KDM4B: variants seen among roughly 807,000 people sequenced by gnomAD.
KDM4B encodes the protein lysine demethylase 4B, also known as lysine-specific demethylase 4B.
A neutral mutation model predicts 125.2 loss-of-function variants in KDM4B; 32 were observed. That is an observed-to-expected ratio of 0.26 (90% CI 0.19 to 0.34). The LOEUF is 0.34. Among genes scored for constraint, KDM4B ranks in the 10% least tolerant of loss-of-function variants. KDM4B has a pLI of 1.00. For missense variants in KDM4B, 1,190 were observed against 1,577.7 expected, an observed-to-expected ratio of 0.75 and a Z score of 4.16; for synonymous variants, 721 against 677.9, an observed-to-expected ratio of 1.06 and a Z score of -0.99.
At chr19:5,084,047 G>A (rs1386723644) in intron 9 of KDM4B, among the ~76,000 whole-genome samples, 1 of 152,032 alleles carries the variant, frequency 6.6e-6, no homozygotes, top group East Asian at 1.9e-4. Flanking sequence ...AGGAGTTTGA[G>A]ACCAGCCTGG....
At chr19:5,034,528 A>C (rs985347667) in intron 3 of KDM4B, among the ~76,000 whole-genome samples, 1 of 152,226 alleles carries the variant, frequency 6.6e-6, no homozygotes, top group African/African-American at 2.4e-5. Context: ...CCAACCACTT[A>C]AAAATGAAAA....
rs1427029208 is a variant in KDM4B at position 5,110,673 on chromosome 19, A to G, written c.970A>G (p.Ile324Val). 1.2e-6 allele frequency: 2 copies of G among 1,613,022 alleles called. No homozygotes were observed. Among genetic ancestry groups the G allele is most frequent in the Admixed American group, 1.7e-5 (1 of 60,024 alleles). ...VKISMDVFVR[I>V]LQPERYELWK... Reference sequence around the variant, plus strand: ...GATCTCCATGGACGTGTTCGTGCGCATCCTGCAGCCCGAGCGCTACGAGCT... The same window carrying G: ...GATCTCCATGGACGTGTTCGTGCGCGTCCTGCAGCCCGAGCGCTACGAGCT... Residue 324 changes from isoleucine to valine, a missense_variant, in exon 10 of 23, where the codon ATC (isoleucine) becomes GTC (valine). Ile to Val is a conservative substitution (Grantham distance 29, BLOSUM62 3). Transcript: ENST00000159111.
Position 5,043,299 on chromosome 19 carries a change from C to T in KDM4B, c.432+2048C>T, listed in dbSNP as rs112048349. ...CGGAGTGGGGGTGTCCACCTTATCCCGTGCTGTGTTTATCGGAGTGGGGTG... is the reference window on the plus strand; with the variant it reads ...CGGAGTGGGGGTGTCCACCTTATCCTGTGCTGTGTTTATCGGAGTGGGGTG... On this transcript the variant is annotated intron_variant, in intron 5 of 22. Transcript: ENST00000159111. Among the ~76,000 whole-genome samples, 26 of 120,882 alleles carry T rather than the reference C, an allele frequency of 2.2e-4. 1 individual carries two copies. Among genetic ancestry groups the T allele is most frequent in the African/African-American group, 7.3e-4 (23 of 31,376 alleles). 79.3% of individuals were successfully genotyped at this position (120,882 alleles called of 152,430 possible). A position where few individuals can be genotyped will look rare whatever the true frequency, so the allele number is the denominator to read the frequency against.
chr19:5,121,707 G>A (rs971692988), intron 11 of KDM4B, among the ~76,000 whole-genome samples: 1 of 152,030 alleles, frequency 6.6e-6, no homozygotes, highest in African/African-American at 2.4e-5. Flanking sequence ...TAAACAGAAG[G>A]ACCTACCAGG....
intron 11 of KDM4B, among the ~76,000 whole-genome samples, chr19:5,125,435 G>T (rs10417056): frequency 0.18 from 27,761 of 152,124 alleles, 2,642 homozygotes; most frequent in Admixed American, 0.22. Context: ...GCAGTTGCCC[G>T]CTGGAGAGAA....
chr19:5,007,101 C>T (rs1386807130), intron 1 of KDM4B, among the ~76,000 whole-genome samples: 2 of 152,158 alleles, frequency 1.3e-5, no homozygotes, highest in Non-Finnish European at 2.9e-5. Context: ...GGGGGAGGGC[C>T]CTGTCCCCAC....
intron 4 of KDM4B, 24 bp from the exon 5 acceptor site, chr19:5,041,113 G>C: frequency 6.5e-7 from 1 of 1,534,002 alleles, no homozygotes; most frequent in Non-Finnish European, 9.0e-7. Context: ...ACCCTGAGCT[G>C]GTTTTGGGGT....
At chr19:5,113,894 A>G (rs2039201933) in intron 10 of KDM4B, 5 of 1,198,016 alleles carry the variant, frequency 4.2e-6, no homozygotes, top group Non-Finnish European at 5.3e-6. Flanking sequence ...CAGGTGCCCC[A>G]TGGGGTGCGG....
intron 1 of KDM4B, among the ~76,000 whole-genome samples, chr19:5,005,393 G>T (rs1029166740): frequency 6.6e-6 from 1 of 152,180 alleles, no homozygotes; most frequent in South Asian, 2.1e-4. Context: ...GTGACCTGTC[G>T]TGTCATTGGA....
rs981065627 is a variant in KDM4B, at chr19:5,035,727, C to A, written c.141+2696C>A. ...TGCGTTCTGCGTGTTCCTTCCCATG[C>A]CTCTGCAGCGGCAGCTCCCATGCTG... On this transcript the variant is annotated intron_variant, in intron 3 of 22. Coordinates refer to ENST00000159111, the MANE Select transcript of KDM4B (RefSeq NM_015015.3). This position sits in a 1 kb window ranked among gnomAD's most constrained non-coding sequence, Gnocchi z 5.3. 2.4e-4 allele frequency among the ~76,000 whole-genome samples: 37 copies of A among 152,110 alleles called. No homozygotes were observed. The highest frequency in any genetic ancestry group is 8.7e-4 in the African/African-American group (36 of 41,438).
chr19:5,101,278 T>TG lies in KDM4B; in HGVS notation c.919-9344_919-9343insG, dbSNP rs1487138256. Among the ~76,000 whole-genome samples the TG allele has an allele frequency of 2.0e-4, 30 of 151,074 alleles. No individual in the cohort carries two copies. The East Asian group carries it at 4.7e-3, about 24-fold the overall frequency. ...CTCTGTTTCTTACCAGGTTTTTGTTTTTTTTTTGATAGTTTATTTTGATCT... is the reference window on the plus strand; with the variant it reads ...CTCTGTTTCTTACCAGGTTTTTGTTTGTTTTTTTGATAGTTTATTTTGATCT... On this transcript the variant is annotated intron_variant, in intron 9 of 22. Coordinates refer to ENST00000159111, the MANE Select transcript of KDM4B (RefSeq NM_015015.3).
chr19:5,088,151 G>A (rs865825704), intron 9 of KDM4B, among the ~76,000 whole-genome samples: 3 of 152,176 alleles, frequency 2.0e-5, no homozygotes, highest in East Asian at 1.9e-4. Flanking sequence ...TGTGCCCCCC[G>A]ACTCGGGTAG....
chr19:5,137,245 C>T lies in KDM4B; in HGVS notation c.2309-17C>T, dbSNP rs200702524. The T allele has an allele frequency of 5.3e-4, 823 of 1,558,326 alleles. 9 individuals are homozygous for T. The highest frequency in any genetic ancestry group is 1.7e-4 in the East Asian group (7 of 41,926). On this transcript the variant is annotated splice_polypyrimidine_tract_variant and intron_variant, in intron 15 of 22. Transcript: ENST00000159111. ...CACCTGCCCCCCAGATCTCAGCCAG[C>T]CCCCGCTGTCTTCCAGGTTGCTATG... is the stretch of plus-strand genomic sequence containing the variant.
intron 1 of KDM4B, among the ~76,000 whole-genome samples, chr19:4,973,143 G>A (rs2034319437): frequency 6.6e-6 from 1 of 152,208 alleles, no homozygotes; most frequent in African/African-American, 2.4e-5. Context: ...TTCCTGAACA[G>A]TAATGTCCCC....
chr19:5,058,558 C>T (rs536314602), intron 6 of KDM4B, among the ~76,000 whole-genome samples: 105 of 152,096 alleles, frequency 6.9e-4, no homozygotes, highest in South Asian at 2.3e-3. Context: ...AGCAGGCTTT[C>T]GGGCCAGGGC....
chr19:5,152,159 C>A lies in KDM4B; in HGVS notation c.*648C>A, dbSNP rs1393623061. Reference sequence around the variant, plus strand: ...TTCGGCACAGCCCGGTCACTCACGGCCTCGCTCTCGCCTCACCCCGGCTCC... The same window carrying A: ...TTCGGCACAGCCCGGTCACTCACGGACTCGCTCTCGCCTCACCCCGGCTCC... On this transcript the variant is annotated 3_prime_UTR_variant, in exon 23 of 23. Coordinates refer to ENST00000159111, the MANE Select transcript of KDM4B (RefSeq NM_015015.3). The A allele has an allele frequency of 6.6e-6, 1 of 152,180 alleles. No homozygotes were observed. Among genetic ancestry groups the A allele is most frequent in the Non-Finnish European group, 1.5e-5 (1 of 68,050 alleles). 9.4% of individuals were successfully genotyped at this position (152,180 alleles called of 1,614,324 possible). A position where few individuals can be genotyped will look rare whatever the true frequency, so the allele number is the denominator to read the frequency against.
chr19:5,083,100 C>A (rs1210302886), intron 9 of KDM4B, among the ~76,000 whole-genome samples: 3 of 152,120 alleles, frequency 2.0e-5, no homozygotes, highest in Admixed American at 6.5e-5. Context: ...AGTGAGTGGC[C>A]CTTGCTTGAT....
chr19:5,090,667 G>A (rs545118924), intron 9 of KDM4B, among the ~76,000 whole-genome samples: 171 of 20,332 alleles, frequency 8.4e-3, no homozygotes, highest in South Asian at 0.035. Context: ...TCCCCCCACC[G>A]CCGACAGTAC....
chr19:5,112,169 C>G, intron 10 of KDM4B: 1 of 269,634 alleles, frequency 3.7e-6, no homozygotes, highest in Non-Finnish European at 7.2e-6. Flanking sequence ...AGGAAGATCA[C>G]TTAAGCCCAG....
Sources: allele counts gnomAD v4.1 joint callset (sites outside exome capture counted in the v4.1 genomes callset), GRCh38; gene constraint gnomAD v4.1.1; non-coding constraint Gnocchi (gnomAD v3.1); transcripts MANE v1.5; gene names NCBI Gene and HGNC (gene_info 2026-07-23, HGNC 2026-07-21).